TTC27: variants seen among roughly 807,000 people sequenced by gnomAD.
TTC27 encodes tetratricopeptide repeat protein 27.
In TTC27, 79 loss-of-function variants were observed where a neutral mutation model predicts 115.9. The observed-to-expected ratio is 0.68, with a 90% confidence interval of 0.57 to 0.82. The LOEUF (loss-of-function observed/expected upper bound fraction) is 0.82, where lower values mean the gene tolerates loss of function less well. Among genes scored for constraint, TTC27 ranks in the 40% least tolerant of loss-of-function variants. The probability of loss-of-function intolerance (pLI) is 0.00; values close to 1 mark genes in which losing one functional copy is unlikely to be tolerated. For missense variants in TTC27, 1,054 were observed against 993.1 expected (o/e 1.06, Z -0.82); for synonymous variants, 401 against 356.0 (o/e 1.13, Z -1.42).
intron 14 of TTC27, chr2:32,780,136 C>T (rs956593634): frequency 2.2e-6 from 1 of 460,256 alleles, no homozygotes; most frequent in South Asian, 1.6e-5. Flanking sequence ...CTTTGTTCTT[C>T]CTTTACAAGA....
At chr2:32,805,072 A>G (rs1287417988) in intron 16 of TTC27, among the ~76,000 whole-genome samples, 3 of 152,242 alleles carry the variant, frequency 2.0e-5, no homozygotes, top group African/African-American at 4.8e-5. Flanking sequence ...TGTGCTTTGT[A>G]AATTGATGTA....
At chr2:32,696,452 G>A (rs918916047) in intron 9 of TTC27, among the ~76,000 whole-genome samples, 2 of 151,632 alleles carry the variant, frequency 1.3e-5, no homozygotes, top group African/African-American at 4.8e-5. Context: ...ATCACGCCCA[G>A]CTAATTTTTT....
At position 32,712,010 on chromosome 2, in the gene TTC27, C is replaced by G. The variant is rs559506841; in HGVS notation, c.1233+9090C>G. Reference sequence around the variant, plus strand: ...CCTTAGGAAAAAGTTTAATCTTGTTCTATTATGTGTTGAGGAAATGCAGGT... The same window carrying G: ...CCTTAGGAAAAAGTTTAATCTTGTTGTATTATGTGTTGAGGAAATGCAGGT... On this transcript the variant is annotated intron_variant, in intron 10 of 19. Transcript: ENST00000317907. Among the ~76,000 whole-genome samples, 4 of 152,068 alleles carry G rather than the reference C, an allele frequency of 2.6e-5. No individual in the cohort carries two copies. The South Asian group carries it at 8.3e-4, about 32-fold the overall frequency.
intron 10 of TTC27, among the ~76,000 whole-genome samples, chr2:32,716,450 AT>A (rs1667754503): frequency 6.6e-6 from 1 of 152,122 alleles, no homozygotes; most frequent in African/African-American, 2.4e-5. Context: ...ATTTTTAGCT[AT>A]TTCTTTTTTA....
intron 12 of TTC27, 88 bp from the exon 13 acceptor site, chr2:32,758,204 T>C (rs1669304510): frequency 2.5e-6 from 3 of 1,177,988 alleles, no homozygotes; most frequent in Non-Finnish European, 2.4e-6. Flanking sequence ...AAAATTTGGA[T>C]TGTGTGAGAT....
Position 32,820,014 on chromosome 2 carries a change from T to C in TTC27, c.2410-802T>C, listed in dbSNP as rs149557366. Among the ~76,000 whole-genome samples the C allele has an allele frequency of 1.6e-3, 251 of 152,344 alleles. 1 individual carries two copies. The highest frequency in any genetic ancestry group is 5.8e-3 in the African/African-American group (240 of 41,580). On this transcript the variant is annotated intron_variant, in intron 19 of 19. Transcript: ENST00000317907. ...AAAGGTGTTTTCTCTGCTGATGACA[T>C]TGGAGCAGTTCCTACTTCATTTTGT...
intron 12 of TTC27, 137 bp downstream of exon 12, chr2:32,736,953 T>A: frequency 8.0e-7 from 1 of 1,257,314 alleles, no homozygotes; most frequent in Non-Finnish European, 1.1e-6. Flanking sequence ...AGAAAACTTT[T>A]AAATGTTTTC....
chr2:32,750,438 G>T (rs912989414), intron 12 of TTC27, among the ~76,000 whole-genome samples: 1 of 152,148 alleles, frequency 6.6e-6, no homozygotes. Context: ...TGAAATCCTT[G>T]ATAGGTTCTC....
At chr2:32,813,878 T>G (rs1232782294) in intron 18 of TTC27, among the ~76,000 whole-genome samples, 1 of 152,122 alleles carries the variant, frequency 6.6e-6, no homozygotes, top group Non-Finnish European at 1.5e-5. Context: ...AAAGTCAATG[T>G]AGAAAAGTTG....
At chr2:32,651,736 A>T (rs1439484459) in intron 5 of TTC27, among the ~76,000 whole-genome samples, 1 of 152,200 alleles carries the variant, frequency 6.6e-6, no homozygotes, top group Non-Finnish European at 1.5e-5. Flanking sequence ...AAGCCAGGTG[A>T]GTGGTTGAAA....
chr2:32,661,989 G>A (rs1184296454), intron 5 of TTC27, among the ~76,000 whole-genome samples: 2 of 152,082 alleles, frequency 1.3e-5, no homozygotes, highest in Non-Finnish European at 2.9e-5. Flanking sequence ...GGCTGTTTAA[G>A]TTTACTGAAG....
At chr2:32,638,125 G>T (rs1282435362) in intron 3 of TTC27, among the ~76,000 whole-genome samples, 1 of 152,172 alleles carries the variant, frequency 6.6e-6, no homozygotes, top group Non-Finnish European at 1.5e-5. Flanking sequence ...GGAAACATGG[G>T]CTTCACTTAA....
chr2:32,811,236 C>G lies in TTC27; in HGVS notation c.2196+15C>G, dbSNP rs747069852. 6.2e-7 allele frequency: 1 copy of G among 1,606,294 alleles called. No individual in the cohort carries two copies. The highest frequency in any genetic ancestry group is 1.7e-5 in the Admixed American group (1 of 58,984). ...AAAATGAAAAGGCAAGTCCTTCATT[C>G]CTCCTGAGTCCTTGCCTTTCGTTTG... On this transcript the variant is annotated intron_variant, in intron 17 of 19. Transcript: ENST00000317907.
intron 10 of TTC27, among the ~76,000 whole-genome samples, chr2:32,726,095 C>G (rs986983968): frequency 6.6e-6 from 1 of 152,212 alleles, no homozygotes; most frequent in South Asian, 2.1e-4. Context: ...CAAAACCACT[C>G]TTTCCTCCTG....
chr2:32,658,470 T>C (rs1329691940), intron 5 of TTC27, among the ~76,000 whole-genome samples: 1 of 152,186 alleles, frequency 6.6e-6, no homozygotes, highest in Non-Finnish European at 1.5e-5. Flanking sequence ...CAATACATCA[T>C]TGTGAGAATT....
intron 12 of TTC27, among the ~76,000 whole-genome samples, chr2:32,741,217 C>G (rs1252860987): frequency 6.6e-6 from 1 of 152,224 alleles, no homozygotes; most frequent in Non-Finnish European, 1.5e-5. Context: ...AGAGAGCCTT[C>G]CCAGATACTT....
chr2:32,675,074 A>G (rs1480703436), intron 8 of TTC27, among the ~76,000 whole-genome samples: 2 of 152,242 alleles, frequency 1.3e-5, no homozygotes, highest in Non-Finnish European at 2.9e-5. Context: ...AGTATGTGGT[A>G]GGCATTATAC....
chr2:32,698,435 GTTA>G (rs372830080), intron 9 of TTC27, among the ~76,000 whole-genome samples: 8 of 145,416 alleles, frequency 5.5e-5, no homozygotes, highest in East Asian at 2.1e-4. Flanking sequence ...CAGCCATAAA[GTTA>G]TTATTATTAT....
chr2:32,670,761 G>A (rs1439468737), intron 7 of TTC27, among the ~76,000 whole-genome samples: 1 of 152,134 alleles, frequency 6.6e-6, no homozygotes, highest in East Asian at 1.9e-4. Flanking sequence ...GGGAGTACAG[G>A]TATACGCCAC....
Sources: gnomAD v4.1 joint callset for allele counts (sites outside exome capture counted in the v4.1 genomes callset) on GRCh38, gnomAD v4.1.1 for gene constraint, MANE v1.5 for transcripts, NCBI Gene and HGNC (gene_info 2026-07-23, HGNC 2026-07-21) for gene names.